BACE2: variants seen among roughly 807,000 people sequenced by gnomAD.
BACE2 encodes beta-secretase 2.
A neutral mutation model predicts 46.2 loss-of-function variants in BACE2; 17 were observed. The observed-to-expected ratio is 0.37, with a 90% confidence interval of 0.25 to 0.55. The LOEUF is 0.55. BACE2 is among the 20% of genes least tolerant of loss of function. The pLI, the probability that BACE2 is intolerant of heterozygous loss-of-function variation, is 0.82. For missense variants in BACE2, 595 were observed against 698.1 expected (o/e 0.85, Z 1.66); for synonymous variants, 277 against 295.9 (o/e 0.94, Z 0.66).
intron 3 of BACE2, among the ~76,000 whole-genome samples, chr21:41,240,489 G>A (rs1313521605): frequency 6.6e-6 from 1 of 152,236 alleles, no homozygotes; most frequent in East Asian, 1.9e-4. Context: ...GCCCATTTAA[G>A]CCCCAGAGCG....
intron 1 of BACE2, among the ~76,000 whole-genome samples, chr21:41,205,464 A>G (rs1438039510): frequency 6.6e-6 from 1 of 152,218 alleles, no homozygotes; most frequent in Non-Finnish European, 1.5e-5. Flanking sequence ...TTGCAAGGCC[A>G]TTCAGCAGGT....
chr21:41,238,490 G>T (rs1427496550), intron 3 of BACE2, among the ~76,000 whole-genome samples: 1 of 152,190 alleles, frequency 6.6e-6, no homozygotes, highest in East Asian at 1.9e-4. Flanking sequence ...GGCTCCTGGA[G>T]TCCACATGGG....
In BACE2 at chr21:41,226,277, C is replaced by T. The variant is rs766328992; in HGVS notation, c.324C>T (p.Leu108=). 2.6e-5 allele frequency: 42 copies of T among 1,612,872 alleles called. No individual in the cohort carries two copies. Among genetic ancestry groups the T allele is most frequent in the Admixed American group, 3.3e-5 (2 of 59,904 alleles). ...IGTPPQKLQI[L]VDTGSSNFAV... The stretch of plus-strand genomic sequence containing the variant: ...TTAAAACATAAAAGCTACAGATTCT[C>T]GTTGACACTGGAAGCAGTAACTTTG... The change falls in exon 2 of 9, where the codon CTC becomes CTT. Residue 108 remains leucine (L), a synonymous_variant. Coordinates refer to ENST00000330333, the MANE Select transcript of BACE2 (RefSeq NM_012105.5).
intron 1 of BACE2, among the ~76,000 whole-genome samples, chr21:41,170,741 G>C (rs1352053912): frequency 6.6e-6 from 1 of 152,188 alleles, no homozygotes; most frequent in Non-Finnish European, 1.5e-5. Flanking sequence ...AATAAAAATT[G>C]CTTAGGTGGA....
intron 1 of BACE2, among the ~76,000 whole-genome samples, chr21:41,174,197 C>A (rs1485357631): frequency 7.9e-6 from 1 of 127,378 alleles, no homozygotes; most frequent in Non-Finnish European, 1.6e-5. Context: ...GGCTGGAGTA[C>A]AGTGGCCTGA....
At chr21:41,195,220 A>G (rs1411024513) in intron 1 of BACE2, among the ~76,000 whole-genome samples, 1 of 152,236 alleles carries the variant, frequency 6.6e-6, no homozygotes, top group Non-Finnish European at 1.5e-5. Flanking sequence ...CCGTCTCACC[A>G]AAGCCTATGA....
chr21:41,179,314 TGA>T (rs757252313), intron 1 of BACE2: 30 of 1,270,190 alleles, frequency 2.4e-5, no homozygotes, highest in Non-Finnish European at 3.0e-5. Flanking sequence ...TCAGGGTGAG[TGA>T]GAGTGTCCAG....
At chr21:41,237,926 C>A (rs73366455) in intron 3 of BACE2, among the ~76,000 whole-genome samples, 197 bp downstream of exon 3, 24 of 152,344 alleles carry the variant, frequency 1.6e-4, no homozygotes, top group East Asian at 1.2e-3. Context: ...ATTCTTGGAA[C>A]CTTCCTGTAA....
chr21:41,226,731 G>T (rs1194617505), intron 2 of BACE2, among the ~76,000 whole-genome samples: 1 of 152,194 alleles, frequency 6.6e-6, no homozygotes, highest in Non-Finnish European at 1.5e-5. Context: ...GGGAGTCTGT[G>T]AGGCCACTCT....
At chr21:41,253,520 A>T (rs1363701923) in intron 7 of BACE2, among the ~76,000 whole-genome samples, 4 of 151,996 alleles carry the variant, frequency 2.6e-5, no homozygotes, top group Non-Finnish European at 4.4e-5. Context: ...ACATTATTTC[A>T]TCAGTGTGGT....
At chr21:41,241,307 C>T (rs1002949126) in intron 3 of BACE2, among the ~76,000 whole-genome samples, 3 of 152,190 alleles carry the variant, frequency 2.0e-5, no homozygotes, top group Non-Finnish European at 2.9e-5. Context: ...CAGAGTTCAT[C>T]TGGCAGAGCT....
intron 8 of BACE2, among the ~76,000 whole-genome samples, chr21:41,270,720 A>G (rs893506873): frequency 1.9e-4 from 29 of 152,214 alleles, no homozygotes; most frequent in Admixed American, 1.3e-4. Flanking sequence ...AACTTATTTC[A>G]TTGTCCAGAA....
At chr21:41,204,305 T>G (rs915123034) in intron 1 of BACE2, among the ~76,000 whole-genome samples, 6 of 152,208 alleles carry the variant, frequency 3.9e-5, no homozygotes, top group African/African-American at 1.4e-4. Flanking sequence ...CCCCCCAAAA[T>G]GCAGGGATTA....
chr21:41,179,557 G>A, intron 1 of BACE2: 1 of 1,366,792 alleles, frequency 7.3e-7, no homozygotes, highest in Non-Finnish European at 9.8e-7. Flanking sequence ...GGGTGAGTGA[G>A]GGTGTCCAGG....
chr21:41,241,704 G>T, intron 3 of BACE2, 115 bp from the exon 4 acceptor site: 1 of 1,269,502 alleles, frequency 7.9e-7, no homozygotes, highest in Admixed American at 2.1e-5. Flanking sequence ...GTTGAACCAT[G>T]AAAAAATTGA....
chr21:41,235,283 A>G (rs59828517), intron 2 of BACE2, among the ~76,000 whole-genome samples: 3,437 of 152,310 alleles, frequency 0.023, 125 homozygotes, highest in African/African-American at 0.075. Flanking sequence ...AAAATTTCTT[A>G]GAAAAAGAAA....
At chr21:41,229,597 T>C (rs1986917610) in intron 2 of BACE2, among the ~76,000 whole-genome samples, 1 of 152,250 alleles carries the variant, frequency 6.6e-6, no homozygotes, top group Non-Finnish European at 1.5e-5. Flanking sequence ...AATAATACTC[T>C]GCATTATCAA....
intron 1 of BACE2, among the ~76,000 whole-genome samples, chr21:41,202,580 C>T (rs1256060630): frequency 2.6e-5 from 4 of 152,314 alleles, no homozygotes; most frequent in Admixed American, 1.3e-4. Context: ...GCTCCTGGCA[C>T]TGGTCAGACC....
chr21:41,199,857 G>A (rs1038757145), intron 1 of BACE2, among the ~76,000 whole-genome samples: 3 of 152,084 alleles, frequency 2.0e-5, no homozygotes, highest in Non-Finnish European at 4.4e-5. Context: ...TCCAAAAATA[G>A]CCCTTCCATC....
Sources: gnomAD v4.1 joint callset for allele counts (sites outside exome capture counted in the v4.1 genomes callset) on GRCh38, gnomAD v4.1.1 for gene constraint, MANE v1.5 for transcripts, NCBI Gene and HGNC (gene_info 2026-07-23, HGNC 2026-07-21) for gene names.